Variants in ZDHHC14 observed in about 807,000 individuals in gnomAD.
The protein encoded by ZDHHC14 is palmitoyltransferase ZDHHC14.
Under a neutral mutation model 47.7 loss-of-function variants are expected in ZDHHC14, and 16 were observed. The ratio of observed to expected loss-of-function variants is 0.34; its 90% CI spans 0.23 to 0.51. The LOEUF is 0.51. Among genes scored for constraint, ZDHHC14 ranks in the 20% least tolerant of loss-of-function variants. The pLI is 0.97. For synonymous variants in ZDHHC14, 293 were observed against 278.9 expected, an observed-to-expected ratio of 1.05 and a Z score of -0.50; for missense variants, 515 against 662.5, an observed-to-expected ratio of 0.78 and a Z score of 2.44.
chr6:157,450,257 G>A (rs534517015), intron 1 of ZDHHC14, among the ~76,000 whole-genome samples: 52 of 151,928 alleles, frequency 3.4e-4, no homozygotes, highest in Non-Finnish European at 6.5e-4. Context: ...TGAGACACAC[G>A]GTAACACCTT....
At chr6:157,638,400 G>C (rs1777085213) in intron 5 of ZDHHC14, among the ~76,000 whole-genome samples, 1 of 152,120 alleles carries the variant, frequency 6.6e-6, no homozygotes. Flanking sequence ...GTGGGGAGGG[G>C]CCTCTCAGGG....
In ZDHHC14 at chr6:157,627,459, T is replaced by G. The variant is rs191678046; in HGVS notation, c.566-890T>G. Among the ~76,000 whole-genome samples, 491 of 152,248 alleles carry G rather than the reference T, an allele frequency of 3.2e-3. 1 individual carries two copies. The highest frequency in any genetic ancestry group is 5.0e-3 in the Admixed American group (76 of 15,294). On this transcript the variant is annotated intron_variant, in intron 3 of 8. Transcript: ENST00000359775. ...TGTTCTCAATAGAAGATCAGCTGAG[T>G]AGTCAAGAGAAGCCCTTTGCCATTA...
intron 1 of ZDHHC14, among the ~76,000 whole-genome samples, chr6:157,506,782 A>G (rs1780335738): frequency 6.6e-6 from 1 of 152,202 alleles, no homozygotes; most frequent in Non-Finnish European, 1.5e-5. Flanking sequence ...CTAAAGGAAA[A>G]CAACCACTCA....
intron 1 of ZDHHC14, among the ~76,000 whole-genome samples, chr6:157,447,496 G>T (rs1312978484): frequency 1.3e-5 from 2 of 152,230 alleles, no homozygotes; most frequent in East Asian, 1.9e-4. Flanking sequence ...CTGAGGGAGG[G>T]TCGGGGACTG....
chr6:157,602,735 G>GC (rs1405992102), intron 3 of ZDHHC14, among the ~76,000 whole-genome samples: 1 of 152,128 alleles, frequency 6.6e-6, no homozygotes, highest in African/African-American at 2.4e-5. Flanking sequence ...CATGCAGGGA[G>GC]CTGCTTACTC....
chr6:157,467,406 A>G (rs1267772091), intron 1 of ZDHHC14, among the ~76,000 whole-genome samples: 4 of 152,136 alleles, frequency 2.6e-5, no homozygotes, highest in African/African-American at 9.7e-5. Context: ...GACGTTTCAG[A>G]TAAATGGAGT....
At chr6:157,511,352 TG>T (rs1321745005) in intron 1 of ZDHHC14, among the ~76,000 whole-genome samples, 1 of 151,060 alleles carries the variant, frequency 6.6e-6, no homozygotes, top group Non-Finnish European at 1.5e-5. Flanking sequence ...GAGCGTGGAG[TG>T]GGGTAAGTGG....
intron 1 of ZDHHC14, among the ~76,000 whole-genome samples, chr6:157,426,162 C>A (rs1195255060): frequency 6.6e-6 from 1 of 152,038 alleles, no homozygotes; most frequent in Non-Finnish European, 1.5e-5. Context: ...GAGCCTCCCG[C>A]AAGGTGGTGG....
chr6:157,642,069 G>GA (rs71027356), intron 5 of ZDHHC14, among the ~76,000 whole-genome samples: 3 of 151,814 alleles, frequency 2.0e-5, no homozygotes, highest in Middle Eastern at 3.4e-3. Flanking sequence ...TAGATAGATA[G>GA]TTATCATGTT....
chr6:157,555,992 A>T (rs1164623413), intron 2 of ZDHHC14, among the ~76,000 whole-genome samples: 3 of 152,156 alleles, frequency 2.0e-5, no homozygotes, highest in Non-Finnish European at 2.9e-5. Context: ...TGCACGCTGG[A>T]TTCACAAGAC....
intron 2 of ZDHHC14, among the ~76,000 whole-genome samples, chr6:157,546,682 C>T (rs1781983640): frequency 6.6e-6 from 1 of 152,150 alleles, no homozygotes; most frequent in African/African-American, 2.4e-5. Context: ...TCAGTTTTTA[C>T]AGTTCACCCA....
At chr6:157,536,827 T>TCAAA (rs1469150443) in intron 1 of ZDHHC14, among the ~76,000 whole-genome samples, 6 of 89,410 alleles carry the variant, frequency 6.7e-5, no homozygotes, top group South Asian at 6.5e-4. Flanking sequence ...ATCTTTTTTT[T>TCAAA]TTTTTTTTTG....
At chr6:157,616,879 C>A (rs1362103509) in intron 3 of ZDHHC14, among the ~76,000 whole-genome samples, 1 of 152,132 alleles carries the variant, frequency 6.6e-6, no homozygotes, top group Non-Finnish European at 1.5e-5. Context: ...CCCAAGAGAA[C>A]CAGACTGAGC....
intron 1 of ZDHHC14, among the ~76,000 whole-genome samples, chr6:157,423,131 T>C (rs1010872769): frequency 6.6e-6 from 1 of 152,220 alleles, no homozygotes; most frequent in African/African-American, 2.4e-5. Context: ...TTGTTGTTGA[T>C]ATTCCTTAGC....
intron 3 of ZDHHC14, among the ~76,000 whole-genome samples, chr6:157,602,854 T>G (rs1224599414): frequency 2.0e-5 from 3 of 152,212 alleles, no homozygotes; most frequent in Non-Finnish European, 1.5e-5. Context: ...CCTGTCAGTT[T>G]TGTCTTAGTG....
chr6:157,630,097 C>G (rs946694226), intron 4 of ZDHHC14: 1 of 152,138 alleles, frequency 6.6e-6, no homozygotes, highest in African/African-American at 2.4e-5. Flanking sequence ...AAGCAATTCT[C>G]CTGCCTCGAG....
At chr6:157,615,787 T>TTTTTGTTTTG (rs66704112) in intron 3 of ZDHHC14, among the ~76,000 whole-genome samples, 15,045 of 151,404 alleles carry the variant, frequency 0.099, 819 homozygotes, top group Non-Finnish European at 0.12. Flanking sequence ...GCTGACTGCA[T>TTTTTGTTTTG]TTTTGTTTTG....
chr6:157,660,740 C>T (rs887362445), intron 8 of ZDHHC14, among the ~76,000 whole-genome samples: 1 of 152,198 alleles, frequency 6.6e-6, no homozygotes, highest in Admixed American at 6.5e-5. Flanking sequence ...TAATTGGCAG[C>T]CACTATTGAG....
rs150780332 is a variant in ZDHHC14 at position 157,656,825 on chromosome 6, A to G, written c.1068+3198A>G. ...GAGCTGCATGCGACATCACCATGCC[A>G]CTGAGCACCAGGCAGATCAGGAGGA... On this transcript the variant is annotated intron_variant, in intron 8 of 8. Transcript: ENST00000359775. Among the ~76,000 whole-genome samples, 249 of 151,832 alleles carry G rather than the reference A, an allele frequency of 1.6e-3. 2 individuals carry two copies. The highest frequency in any genetic ancestry group is 0.014 in the Admixed American group (216 of 15,250).
Sources: allele counts gnomAD v4.1 joint callset (sites outside exome capture counted in the v4.1 genomes callset), GRCh38; gene constraint gnomAD v4.1.1; transcripts MANE v1.5; gene names NCBI Gene and HGNC (gene_info 2026-07-23, HGNC 2026-07-21).